ACP5: variants seen among roughly 807,000 people sequenced by gnomAD.
ACP5 encodes tartrate-resistant acid phosphatase type 5.
A neutral mutation model predicts 28.7 loss-of-function variants in ACP5; 24 were observed. The observed-to-expected ratio is 0.84, with a 90% CI of 0.61 to 1.18. ACP5 has a LOEUF of 1.18. ACP5 is among the 50% of genes most tolerant of loss of function. ACP5 has a pLI of 0.00. For missense variants in ACP5, 354 were observed against 422.2 expected, an observed-to-expected ratio of 0.84 and a Z score of 1.42; for synonymous variants, 154 against 181.4, an observed-to-expected ratio of 0.85 and a Z score of 1.21.
intron 2 of ACP5, 80 bp from the exon 3 acceptor site, chr19:11,576,923 G>A: frequency 6.2e-7 from 1 of 1,611,324 alleles, no homozygotes; most frequent in Non-Finnish European, 8.5e-7. Flanking sequence ...GGATAAGGGA[G>A]ACACTGAATG....
At chr19:11,578,952 C>G (rs772469900), upstream of ACP5, 11 of 152,206 alleles carry the variant, frequency 7.2e-5, no homozygotes, top group African/African-American at 2.7e-4. Flanking sequence ...CCGCCCTGCT[C>G]GAGGGCTCAG....
intron 4 of ACP5, 103 bp downstream of exon 4, chr19:11,576,140 C>A: frequency 2.1e-6 from 2 of 949,502 alleles, no homozygotes; most frequent in Non-Finnish European, 3.2e-6. Context: ...ATTCTGAAGG[C>A]CACAGGAGAC....
upstream of ACP5, chr19:11,578,953 GAGGGCTCA>G (rs1292536603): frequency 6.6e-6 from 1 of 152,218 alleles, no homozygotes; most frequent in Non-Finnish European, 1.5e-5. Flanking sequence ...CGCCCTGCTC[GAGGGCTCA>G]GGGCTGACCC....
In ACP5 at chr19:11,577,021, G is replaced by A. The variant is rs148415735; in HGVS notation, c.261+36C>T. 2.2e-5 allele frequency: 36 copies of A among 1,603,448 alleles called. No homozygotes were observed. The highest frequency in any genetic ancestry group is 2.8e-5 in the Non-Finnish European group (33 of 1,170,808). On this transcript the variant is annotated intron_variant, in intron 2 of 4. Coordinates refer to ENST00000648477, the MANE Select transcript of ACP5 (RefSeq NM_001611.5). This position sits in a 1 kb window ranked among gnomAD's most constrained non-coding sequence, Gnocchi z 5.7. ...GTAAGGCGGCTTCTCCCCACTGCCCGCCCCCACCTCCTGCCCCACTCTGTT... is the reference window on the plus strand; with the variant it reads ...GTAAGGCGGCTTCTCCCCACTGCCCACCCCCACCTCCTGCCCCACTCTGTT...
In ACP5 at chr19:11,575,214, A is replaced by C; in HGVS notation, c.774T>G (p.Ser258Arg). The C allele has an allele frequency of 6.2e-7, 1 of 1,613,872 alleles. No homozygotes were observed. The highest frequency in any genetic ancestry group is 8.5e-7 in the Non-Finnish European group (1 of 1,180,010). The change falls in exon 5 of 5, where the codon AGT (serine) becomes AGG (arginine). Residue 258 changes from serine to arginine, a missense_variant. Ser to Arg is a moderately radical substitution (Grantham distance 110, BLOSUM62 -1). Coordinates refer to ENST00000648477, the MANE Select transcript of ACP5 (RefSeq NM_001611.5). ...AGGGGTCCATGAAATTCCCAGCCCC[A>C]CTCAGCACGTAGCCCACGCCATTCT... ...QDENGVGYVL[S>R]GAGNFMDPSK...
chr19:11,577,187 G>T lies in ACP5; in HGVS notation c.131C>A (p.Thr44Lys). ...WGGVPNAPFH[T>K]AREMANAKEI... ...CTTGGCATTGGCCATTTCCCGGGCCGTGTGGAATGGGGCATTGGGGACCCC... is the reference window on the plus strand; with the variant it reads ...CTTGGCATTGGCCATTTCCCGGGCCTTGTGGAATGGGGCATTGGGGACCCC... Residue 44 changes from threonine to lysine, a missense_variant, in exon 2 of 5, where the codon ACG becomes AAG. Transcript: ENST00000648477. The surrounding 1 kb of genome is among the most constrained non-coding windows in gnomAD (Gnocchi z 5.7). 2 of 1,614,210 alleles carry T rather than the reference G, an allele frequency of 1.2e-6. No homozygotes were observed. The highest frequency in any genetic ancestry group is 2.7e-5 in the African/African-American group (2 of 75,058).
rs750563102 is a variant in ACP5 at position 11,576,722 on chromosome 19, T to C, written c.383A>G (p.Lys128Arg). Residue 128 changes from lysine to arginine, a missense_variant, in exon 3 of 5, where the codon AAG becomes AGG. Lys to Arg is a conservative substitution (Grantham distance 26, BLOSUM62 2). Transcript: ENST00000648477. ...AGGGCTGAGGGTGGCTCACCAGCGC[T>C]TGGAGATCTTAGAGTATGCAATCTG... ...SAQIAYSKISKRWNFPSPFYR... is the reference protein window; with the variant it reads ...SAQIAYSKISRRWNFPSPFYR... 4.3e-6 allele frequency: 7 copies of C among 1,613,888 alleles called. No homozygotes were observed. The highest frequency in any genetic ancestry group is 1.6e-4 in the Middle Eastern group (1 of 6,084).
Position 11,577,327 on chromosome 19 carries a change from G to C in ACP5, c.1-10C>G. 1 of 1,613,362 alleles carries C rather than the reference G, an allele frequency of 6.2e-7. No individual in the cohort carries two copies. The highest frequency in any genetic ancestry group is 8.5e-7 in the Non-Finnish European group (1 of 1,179,640). ...CCGTCCACATGTCCATCTGGGAGAA[G>C]AGAGACAAGCATAGGTGGCCCGGGC... On this transcript the variant is annotated splice_polypyrimidine_tract_variant and intron_variant, in intron 1 of 4. Coordinates refer to ENST00000648477, the MANE Select transcript of ACP5 (RefSeq NM_001611.5). The surrounding 1 kb of genome is among the most constrained non-coding windows in gnomAD (Gnocchi z 5.7).
At position 11,576,439 on chromosome 19, in the gene ACP5, A is replaced by G. The variant is rs746697489; in HGVS notation, c.539T>C (p.Leu180Pro). 6.2e-7 allele frequency: 1 copy of G among 1,613,970 alleles called. No individual in the cohort carries two copies. Among genetic ancestry groups the G allele is most frequent in the Non-Finnish European group, 8.5e-7 (1 of 1,179,976 alleles). ...GAGCCAGGACAGCTGTGTGCGGGCC[A>G]GCTTCACGTCTCGGGGCCTCTCAGG... ...QQPERPRDVKLARTQLSWLKK... is the reference protein window; with the variant it reads ...QQPERPRDVKPARTQLSWLKK... The change falls in exon 4 of 5, where the codon CTG becomes CCG. Residue 180 changes from leucine to proline, a missense_variant. Transcript: ENST00000648477.
chr19:11,575,307 C>G (rs1893375312), intron 4 of ACP5, 55 bp from the exon 5 acceptor site: 1 of 1,608,844 alleles, frequency 6.2e-7, no homozygotes, highest in Admixed American at 1.7e-5. Flanking sequence ...AGAGCCCTGC[C>G]TAAGGTCCAG....
At position 11,574,971 on chromosome 19, in the gene ACP5, A is replaced by C; in HGVS notation, c.*39T>G. 1 of 1,613,226 alleles carries C rather than the reference A, an allele frequency of 6.2e-7. No homozygotes were observed. The highest frequency in any genetic ancestry group is 8.5e-7 in the Non-Finnish European group (1 of 1,179,588). On this transcript the variant is annotated 3_prime_UTR_variant, in exon 5 of 5. Transcript: ENST00000648477. ...TCCCGGCAGGGCCCACCCACCCAACAGTGGAGATCGGGCCTCAGAGCTGGG... is the reference window on the plus strand; with the variant it reads ...TCCCGGCAGGGCCCACCCACCCAACCGTGGAGATCGGGCCTCAGAGCTGGG...
rs1361144531 is a variant in ACP5 at position 11,575,238 on chromosome 19, C to G, written c.750G>C (p.Glu250Asp). Residue 250 changes from glutamate to aspartate, a missense_variant, in exon 5 of 5, where the codon GAG becomes GAC. Glu to Asp is a conservative substitution (Grantham distance 45). Transcript: ENST00000648477. ...HDHNLQYLQD[E>D]NGVGYVLSGA... is the part of the protein sequence containing the mutation. The stretch of plus-strand genomic sequence containing the variant: ...CACTCAGCACGTAGCCCACGCCATT[C>G]TCATCTTGCAGGTACTGAGGATGGA... 1.2e-6 allele frequency: 2 copies of G among 1,613,646 alleles called. No homozygotes were observed. Among genetic ancestry groups the G allele is most frequent in the Non-Finnish European group, 1.7e-6 (2 of 1,180,038 alleles).
Position 11,577,440 on chromosome 19 carries a change from C to CT in ACP5, c.1-124dup, listed in dbSNP as rs1450733617. 5 of 1,107,522 alleles carry CT rather than the reference C, an allele frequency of 4.5e-6. No individual in the cohort carries two copies. In the African/African-American group the frequency reaches 7.7e-5, roughly 17 times the overall value. The allele number at this position is 1,107,522 out of a possible 1,614,324, so 68.6% of individuals were successfully genotyped here. A position where few individuals can be genotyped will look rare whatever the true frequency, so the allele number is the denominator to read the frequency against. Reference sequence around the variant, plus strand: ...CTGCAGGCTGCCCCTGCGGGAACCCCTTGGTGCCCTAATTCTCAGGACACA... The same window carrying CT: ...CTGCAGGCTGCCCCTGCGGGAACCCCTTTGGTGCCCTAATTCTCAGGACACA... On this transcript the variant is annotated intron_variant, in intron 1 of 4. Transcript: ENST00000648477. The surrounding 1 kb of genome is among the most constrained non-coding windows in gnomAD (Gnocchi z 5.7).
chr19:11,575,210 C>A lies in ACP5; in HGVS notation c.778G>T (p.Ala260Ser). Residue 260 changes from alanine to serine, a missense_variant, in exon 5 of 5, where the codon GCT becomes TCT. Ala to Ser is a moderately conservative substitution (Grantham distance 99). Transcript: ENST00000648477. Reference sequence around the variant, plus strand: ...TTTGAGGGGTCCATGAAATTCCCAGCCCCACTCAGCACGTAGCCCACGCCA... The same window carrying A: ...TTTGAGGGGTCCATGAAATTCCCAGACCCACTCAGCACGTAGCCCACGCCA... ...ENGVGYVLSG[A>S]GNFMDPSKRH... 1 of 1,613,982 alleles carries A rather than the reference C, an allele frequency of 6.2e-7. No individual in the cohort carries two copies. The highest frequency in any genetic ancestry group is 1.7e-5 in the Admixed American group (1 of 60,012).
chr19:11,577,009 T>TC lies in ACP5; in HGVS notation c.261+47dup, dbSNP rs144703899. On this transcript the variant is annotated intron_variant, in intron 2 of 4. Transcript: ENST00000648477. This position sits in a 1 kb window ranked among gnomAD's most constrained non-coding sequence, Gnocchi z 5.7. The stretch of plus-strand genomic sequence containing the variant: ...GAAGGTCACTAGGTAAGGCGGCTTC[T>TC]CCCCACTGCCCGCCCCCACCTCCTG... 1.4e-3 allele frequency: 2,194 copies of TC among 1,612,994 alleles called. 33 individuals carry two copies. The African/African-American group carries it at 0.027, about 20-fold the overall frequency.
chr19:11,578,932 A>G (rs934747045), upstream of ACP5: 36 of 152,286 alleles, frequency 2.4e-4, no homozygotes, highest in African/African-American at 7.7e-4. Context: ...TTAAGCAGGC[A>G]GCGGCCGATC....
At position 11,577,437 on chromosome 19, in the gene ACP5, C is replaced by T. The variant is rs1973214506; in HGVS notation, c.1-120G>A. 2 of 1,113,994 alleles carry T rather than the reference C, an allele frequency of 1.8e-6. No homozygotes were observed. Among genetic ancestry groups the T allele is most frequent in the Non-Finnish European group, 2.6e-6 (2 of 756,340 alleles). The allele number at this position is 1,113,994 out of a possible 1,614,324, so 69.0% of individuals were successfully genotyped here. ...TTGCTGCAGGCTGCCCCTGCGGGAACCCCTTGGTGCCCTAATTCTCAGGAC... is the reference window on the plus strand; with the variant it reads ...TTGCTGCAGGCTGCCCCTGCGGGAATCCCTTGGTGCCCTAATTCTCAGGAC... On this transcript the variant is annotated intron_variant, in intron 1 of 4. Transcript: ENST00000648477. The surrounding 1 kb of genome is among the most constrained non-coding windows in gnomAD (Gnocchi z 5.7).
chr19:11,575,146 AAGCGCAGAT>A lies in ACP5; in HGVS notation c.833_841del (p.Tyr278_Arg280del). The A allele has an allele frequency of 1.2e-6, 2 of 1,614,224 alleles. No homozygotes were observed. The highest frequency in any genetic ancestry group is 2.7e-5 in the African/African-American group (2 of 75,070). ...CAGTGAGTCTTCAGTCCCATAGTGG[AAGCGCAGAT>A]AGCCGTTGGGGACCTTGCGCTGGTG... On this transcript the variant is annotated inframe_deletion, in exon 5 of 5. Transcript: ENST00000648477.
Position 11,577,288 on chromosome 19 carries a change from C to T in ACP5, c.30G>A (p.Leu10=). 6.2e-7 allele frequency: 1 copy of T among 1,614,044 alleles called. No homozygotes were observed. The highest frequency in any genetic ancestry group is 8.5e-7 in the Non-Finnish European group (1 of 1,179,946). The change falls in exon 2 of 5, where the codon CTG becomes CTA. Residue 10 remains leucine (L), a synonymous_variant. Coordinates refer to ENST00000648477, the MANE Select transcript of ACP5 (RefSeq NM_001611.5). This position sits in a 1 kb window ranked among gnomAD's most constrained non-coding sequence, Gnocchi z 5.7. MDMWTALLI[L]QALLLPSLAD... is the part of the protein sequence containing the mutation. Reference sequence around the variant, plus strand: ...CCAGGGAGGGTAGCAACAAGGCTTGCAGGATGAGCAGCGCCGTCCACATGT... The same window carrying T: ...CCAGGGAGGGTAGCAACAAGGCTTGTAGGATGAGCAGCGCCGTCCACATGT...
Sources: gnomAD v4.1 joint callset for allele counts on GRCh38, gnomAD v4.1.1 for gene constraint, Gnocchi (gnomAD v3.1) non-coding constraint, MANE v1.5 for transcripts, NCBI Gene and HGNC (gene_info 2026-07-23, HGNC 2026-07-21) for gene names.